Variants in VPS13C observed in about 807,000 individuals in gnomAD.
The protein encoded by VPS13C is vacuolar protein sorting 13 homolog C, also known as intermembrane lipid transfer protein VPS13C.
A neutral mutation model predicts 456.8 loss-of-function variants in VPS13C; 358 were observed. That is an observed-to-expected ratio of 0.78 (90% CI 0.72 to 0.86). The LOEUF is 0.86. Ranked by LOEUF, VPS13C falls within the 40% of genes least tolerant of loss-of-function variation. The probability of loss-of-function intolerance (pLI) is 0.00; values close to 1 mark genes in which losing one functional copy is unlikely to be tolerated. For missense variants in VPS13C, 4,818 were observed against 4,385.4 expected (o/e 1.10, Z -2.79); for synonymous variants, 1,578 against 1,486.7 (o/e 1.06, Z -1.41).
intron 82 of VPS13C, among the ~76,000 whole-genome samples, chr15:61,861,455 A>G (rs1257702504): frequency 1.3e-5 from 2 of 152,200 alleles, no homozygotes; most frequent in African/African-American, 2.4e-5. Context: ...TATGGCCCTT[A>G]AAGTCTAAAT....
chr15:61,952,003 C>T, intron 38 of VPS13C, 23 bp from the exon 39 acceptor site: 1 of 1,605,572 alleles, frequency 6.2e-7, no homozygotes, highest in Non-Finnish European at 8.5e-7. Context: ...ACCAGTATTA[C>T]CACCAACTAT....
intron 21 of VPS13C, 35 bp downstream of exon 21, chr15:61,982,424 T>C: frequency 6.5e-7 from 1 of 1,534,796 alleles, no homozygotes; most frequent in East Asian, 2.3e-5. Flanking sequence ...TTTTTAAGCT[T>C]AGCTGATGCT....
At chr15:61,900,955 G>A (rs899694539) in intron 66 of VPS13C, among the ~76,000 whole-genome samples, 11 of 151,962 alleles carry the variant, frequency 7.2e-5, no homozygotes, top group African/African-American at 1.2e-4. Context: ...AAATAACGCC[G>A]CATTTCTACA....
At chr15:61,994,253 C>A (rs1033154376) in intron 16 of VPS13C, among the ~76,000 whole-genome samples, 1 of 152,162 alleles carries the variant, frequency 6.6e-6, no homozygotes, top group East Asian at 1.9e-4. Context: ...AATATTAGTT[C>A]TCTTTCTTCA....
At chr15:61,875,581 C>G (rs975414516) in intron 76 of VPS13C, 151 bp downstream of exon 76, 9 of 627,138 alleles carry the variant, frequency 1.4e-5, no homozygotes, top group Non-Finnish European at 2.5e-5. Context: ...TCTCATGTAC[C>G]TTTAAATAAA....
chr15:61,944,705 C>T (rs555930910), intron 45 of VPS13C, among the ~76,000 whole-genome samples: 10 of 152,008 alleles, frequency 6.6e-5, no homozygotes, highest in African/African-American at 2.4e-4. Context: ...CAATCATAAC[C>T]CCAAACCTCA....
intron 28 of VPS13C, among the ~76,000 whole-genome samples, chr15:61,968,516 C>T (rs932734945): frequency 3.9e-5 from 6 of 151,974 alleles, no homozygotes; most frequent in South Asian, 2.1e-4. Context: ...TACCAAGGGA[C>T]GACTGCATTT....
chr15:62,038,490 G>C (rs1194869554), intron 3 of VPS13C, among the ~76,000 whole-genome samples: 1 of 152,164 alleles, frequency 6.6e-6, no homozygotes, highest in Non-Finnish European at 1.5e-5. Flanking sequence ...GGGAGGCAAA[G>C]GTGGGAGGAT....
chr15:61,942,478 T>C (rs1243158857), intron 45 of VPS13C, among the ~76,000 whole-genome samples: 1 of 151,592 alleles, frequency 6.6e-6, no homozygotes, highest in Non-Finnish European at 1.5e-5. Context: ...AATTCTGTAC[T>C]GCTAGGCCAC....
At position 61,934,246 on chromosome 15, in the gene VPS13C, A is replaced by T. The variant is rs764419379; in HGVS notation, c.5841T>A (p.Ile1947=). 1.9e-6 allele frequency: 3 copies of T among 1,596,122 alleles called. No homozygotes were observed. The highest frequency in any genetic ancestry group is 2.6e-6 in the Non-Finnish European group (3 of 1,169,962). The change falls in exon 49 of 85, where the codon ATT becomes ATA. Residue 1947 remains isoleucine, a synonymous_variant. Coordinates refer to ENST00000644861, the MANE Select transcript of VPS13C (RefSeq NM_020821.3). ...GGTTGATATCATTGTTATAAAGGAT[A>T]ATGGAAAGAGATTCAAAGTGAAAGT... ...QFDFHFESLS[I]ILYNNDINQE... is the part of the protein sequence containing the mutation.
At chr15:62,004,497 G>T in intron 15 of VPS13C, among the ~76,000 whole-genome samples, 1 of 147,732 alleles carries the variant, frequency 6.8e-6, no homozygotes, top group African/African-American at 2.5e-5. Flanking sequence ...ATTTTTTGAA[G>T]GATTTTTTGT....
intron 30 of VPS13C, among the ~76,000 whole-genome samples, chr15:61,965,878 C>T (rs188484444): frequency 2.0e-5 from 3 of 151,916 alleles, no homozygotes; most frequent in African/African-American, 7.2e-5. Context: ...CTTTTAAGGA[C>T]GCTAGGATGT....
chr15:61,937,505 C>G (rs150686622), intron 47 of VPS13C, among the ~76,000 whole-genome samples: 10 of 152,102 alleles, frequency 6.6e-5, no homozygotes, highest in Non-Finnish European at 1.3e-4. Flanking sequence ...GATGGAGTCT[C>G]GCTCTGTCGC....
chr15:61,922,768 A>G lies in VPS13C; in HGVS notation c.6610-6T>C, dbSNP rs2043703783. 1.3e-6 allele frequency: 2 copies of G among 1,554,840 alleles called. No individual in the cohort carries two copies. The highest frequency in any genetic ancestry group is 1.7e-6 in the Non-Finnish European group (2 of 1,156,842). ...TTAAGAATTATGGGTGAAATCTTTA[A>G]AAAAGAAAGCAGAAAAATATTTATA... On this transcript the variant is annotated splice_polypyrimidine_tract_variant and splice_region_variant and intron_variant, in intron 53 of 84. Transcript: ENST00000644861.
intron 18 of VPS13C, among the ~76,000 whole-genome samples, chr15:61,989,485 C>A (rs1157560273): frequency 2.6e-5 from 4 of 151,896 alleles, no homozygotes; most frequent in African/African-American, 9.7e-5. Flanking sequence ...AGCCAACCCA[C>A]GTTTTTGGGG....
At chr15:62,019,174 T>C (rs1385434435) in intron 9 of VPS13C, among the ~76,000 whole-genome samples, 2 of 152,194 alleles carry the variant, frequency 1.3e-5, no homozygotes, top group Non-Finnish European at 2.9e-5. Flanking sequence ...CTGATTCTTC[T>C]CTCTTTTCTC....
intron 17 of VPS13C, 72 bp from the exon 18 acceptor site, chr15:61,991,166 C>T: frequency 8.7e-7 from 1 of 1,155,832 alleles, no homozygotes; most frequent in Non-Finnish European, 1.2e-6. Context: ...ACTAACCAAA[C>T]TAACAAGTAT....
chr15:62,030,817 G>A (rs1031726436), intron 5 of VPS13C, among the ~76,000 whole-genome samples: 5 of 152,032 alleles, frequency 3.3e-5, no homozygotes, highest in Non-Finnish European at 7.4e-5. Context: ...TGTTAACATC[G>A]CTAAAAAATA....
At position 61,981,423 on chromosome 15, in the gene VPS13C, C is replaced by T. The variant is rs1396729742; in HGVS notation, c.2085G>A (p.Lys695=). 2 of 1,612,338 alleles carry T rather than the reference C, an allele frequency of 1.2e-6. No individual in the cohort carries two copies. Among genetic ancestry groups the T allele is most frequent in the Non-Finnish European group, 8.5e-7 (1 of 1,179,382 alleles). The change falls in exon 22 of 85, where the codon AAG becomes AAA. Residue 695 remains lysine, a synonymous_variant. Transcript: ENST00000644861. ...TCTGTGGAACTACTAGATAAGAAGG[C>T]TTCAGATTTATCCTTAAATCAAGGA... is the stretch of plus-strand genomic sequence containing the variant. ...RKVLDLRINL[K]PSYLVVPQTG...
Sources: allele counts gnomAD v4.1 joint callset (sites outside exome capture counted in the v4.1 genomes callset), GRCh38; gene constraint gnomAD v4.1.1; transcripts MANE v1.5; gene names NCBI Gene and HGNC (gene_info 2026-07-23, HGNC 2026-07-21).